The following SAMD4B variants were observed in gnomAD, a reference collection of about 807,000 sequenced individuals.
SAMD4B encodes sterile alpha motif domain containing 4B, also known as protein Smaug homolog 2.
A neutral mutation model predicts 74.5 loss-of-function variants in SAMD4B; 5 were observed. The observed-to-expected ratio is 0.07, with a 90% CI of 0.04 to 0.14. SAMD4B has a LOEUF of 0.14. Ranked by LOEUF, SAMD4B falls within the 10% of genes least tolerant of loss-of-function variation. The probability of loss-of-function intolerance (pLI) is 1.00; values close to 1 mark genes in which losing one functional copy is unlikely to be tolerated. For missense variants in SAMD4B, 608 were observed against 921.8 expected (o/e 0.66, Z 4.41); for synonymous variants, 373 against 374.9 (o/e 1.00, Z 0.06).
In SAMD4B at chr19:39,357,297, T is replaced by C. The variant is rs999258047; in HGVS notation, c.196+208T>C. 7.2e-5 allele frequency among the ~76,000 whole-genome samples: 11 copies of C among 152,226 alleles called. No homozygotes were observed. The East Asian group carries it at 7.7e-4, about 11-fold the overall frequency. ...CCTCAGGCATGGTATGGTGGACTTA[T>C]GGGAGAAGGCAATGCAAACTGGAAA... On this transcript the variant is annotated intron_variant, in intron 3 of 13. Transcript: ENST00000610417.
In SAMD4B at chr19:39,378,091, A is replaced by G. The variant is rs117428446; in HGVS notation, c.1444+267A>G. 3.1e-3 allele frequency among the ~76,000 whole-genome samples: 466 copies of G among 152,326 alleles called. 3 individuals are homozygous for G. The highest frequency in any genetic ancestry group is 0.017 in the Middle Eastern group (5 of 294). On this transcript the variant is annotated intron_variant, in intron 8 of 13. Coordinates refer to ENST00000610417, the MANE Select transcript of SAMD4B (RefSeq NM_001384574.2). The surrounding 1 kb of genome is among the most constrained non-coding windows in gnomAD (Gnocchi z 4.4). ...CAGTGGGTCAGAAGAAATTCCATGT[A>G]GTAAAGGGTGAGCAGTTGAGGGGAG...
intron 4 of SAMD4B, among the ~76,000 whole-genome samples, chr19:39,371,140 A>G (rs2077268958): frequency 6.6e-6 from 1 of 152,220 alleles, no homozygotes. Context: ...ACCCAGGGTG[A>G]GGGAGAGGGT....
intron 1 of SAMD4B, among the ~76,000 whole-genome samples, chr19:39,353,022 A>G (rs528664578): frequency 3.9e-4 from 59 of 152,326 alleles, no homozygotes; most frequent in African/African-American, 1.4e-3. Context: ...CACTTCCAGC[A>G]GCCAGGGAGC....
intron 1 of SAMD4B, chr19:39,348,488 T>C (rs1365027623): frequency 6.6e-6 from 1 of 152,136 alleles, no homozygotes; most frequent in African/African-American, 2.4e-5. Flanking sequence ...AGCCCTGCCA[T>C]ATGTTCAGGG....
intron 5 of SAMD4B, 137 bp downstream of exon 5, chr19:39,376,026 CT>C: frequency 1.7e-6 from 2 of 1,168,214 alleles, no homozygotes; most frequent in Non-Finnish European, 2.4e-6. Flanking sequence ...ATAGTCCCTG[CT>C]TTTAGGGCTC....
chr19:39,377,047 C>T (rs1018555483), intron 7 of SAMD4B, among the ~76,000 whole-genome samples: 1 of 152,228 alleles, frequency 6.6e-6, no homozygotes, highest in Non-Finnish European at 1.5e-5. Context: ...CTTCTCTCCC[C>T]TTTTGCTTTT....
intron 3 of SAMD4B, among the ~76,000 whole-genome samples, chr19:39,357,408 A>T (rs2076397600): frequency 1.3e-5 from 2 of 152,232 alleles, no homozygotes. Context: ...GGCGTATAGA[A>T]GGTGAGCAGT....
chr19:39,346,894 T>C (rs1367111005), intron 1 of SAMD4B, among the ~76,000 whole-genome samples: 1 of 152,182 alleles, frequency 6.6e-6, no homozygotes, highest in Non-Finnish European at 1.5e-5. Flanking sequence ...CTTTACTTCA[T>C]AGAATTGTTA....
At chr19:39,357,958 C>T (rs1266716734) in intron 3 of SAMD4B, among the ~76,000 whole-genome samples, 1 of 152,218 alleles carries the variant, frequency 6.6e-6, no homozygotes. Flanking sequence ...ACTGTCTTTA[C>T]TTGTATATTA....
intron 7 of SAMD4B, 47 bp downstream of exon 7, chr19:39,376,838 G>A: frequency 6.5e-7 from 1 of 1,540,758 alleles, no homozygotes; most frequent in Non-Finnish European, 9.0e-7. Context: ...GCCACTTGGT[G>A]GTACCAGTAG....
rs753220231 is a variant in SAMD4B, at chr19:39,383,979, G to A, written c.*452G>A. The A allele has an allele frequency of 4.8e-5, 23 of 480,556 alleles. No individual in the cohort carries two copies. Among genetic ancestry groups the A allele is most frequent in the Non-Finnish European group, 6.7e-5 (18 of 270,234 alleles). The allele number at this position is 480,556 out of a possible 1,614,324, so 29.8% of individuals were successfully genotyped here. A position where few individuals can be genotyped will look rare whatever the true frequency, so the allele number is the denominator to read the frequency against. ...GGGCAGAGAACCTGCCCTCCAGAAT[G>A]TTATTGAGAGGAGCTGGGGAGAAGG... is the stretch of plus-strand genomic sequence containing the variant. On this transcript the variant is annotated 3_prime_UTR_variant, in exon 14 of 14. Coordinates refer to ENST00000610417, the MANE Select transcript of SAMD4B (RefSeq NM_001384574.2). This position sits in a 1 kb window ranked among gnomAD's most constrained non-coding sequence, Gnocchi z 4.1.
chr19:39,369,573 AATAGGCC>A, intron 3 of SAMD4B, 75 bp from the exon 4 acceptor site: 1 of 1,058,784 alleles, frequency 9.4e-7, no homozygotes, highest in Non-Finnish European at 1.4e-6. Flanking sequence ...GAGCTGAGGG[AATAGGCC>A]ATAGGCAGTG....
Position 39,356,799 on chromosome 19 carries a change from CA to C in SAMD4B, c.-94del. 1 of 1,096,406 alleles carries C rather than the reference CA, an allele frequency of 9.1e-7. No individual in the cohort carries two copies. The allele number at this position is 1,096,406 out of a possible 1,614,324, so 67.9% of individuals were successfully genotyped here. A position where few individuals can be genotyped will look rare whatever the true frequency, so the allele number is the denominator to read the frequency against. ...AGAAACGTCCTTAAGCCCTGGCCCT[CA>C]GGGGAAAGGTAACAGGAGGCCAGAG... is the stretch of plus-strand genomic sequence containing the variant. On this transcript the variant is annotated 5_prime_UTR_variant, in exon 3 of 14. Coordinates refer to ENST00000610417, the MANE Select transcript of SAMD4B (RefSeq NM_001384574.2).
At chr19:39,368,182 C>T (rs534197788) in intron 3 of SAMD4B, among the ~76,000 whole-genome samples, 1 of 152,142 alleles carries the variant, frequency 6.6e-6, no homozygotes, top group Admixed American at 6.5e-5. Flanking sequence ...CCACTGCACT[C>T]CAGCCTGGGC....
intron 3 of SAMD4B, among the ~76,000 whole-genome samples, chr19:39,357,366 G>A (rs1406233751): frequency 6.6e-6 from 1 of 152,170 alleles, no homozygotes; most frequent in African/African-American, 2.4e-5. Context: ...TATGTGGGCT[G>A]CTGAAAGGAA....
rs2076433235 is a variant in SAMD4B at position 39,358,089 on chromosome 19, G to A, written c.196+1000G>A. ...AGTTCGAGACCAGCCTGGCTAACGT[G>A]GCAAAACCCCGTGTCTATTAAAAGT... On this transcript the variant is annotated intron_variant, in intron 3 of 13. Coordinates refer to ENST00000610417, the MANE Select transcript of SAMD4B (RefSeq NM_001384574.2). Among the ~76,000 whole-genome samples, 3 of 152,002 alleles carry A rather than the reference G, an allele frequency of 2.0e-5. No individual in the cohort carries two copies. In the South Asian group the frequency reaches 6.2e-4, roughly 32 times the overall value.
intron 1 of SAMD4B, chr19:39,351,477 C>T (rs1443375708): frequency 2.6e-5 from 4 of 152,142 alleles, no homozygotes; most frequent in Non-Finnish European, 5.9e-5. Context: ...GACAAAGAGA[C>T]CAGACCAGTA....
At position 39,384,024 on chromosome 19, in the gene SAMD4B, A is replaced by C; in HGVS notation, c.*497A>C. ...AGAAGGAAGGGGAGCAAGGAGAGGA[A>C]GCTCTCTCTCCTCTCCCTGCTTCCC... On this transcript the variant is annotated 3_prime_UTR_variant, in exon 14 of 14. Coordinates refer to ENST00000610417, the MANE Select transcript of SAMD4B (RefSeq NM_001384574.2). 7.5e-6 allele frequency: 3 copies of C among 402,222 alleles called. No homozygotes were observed. The highest frequency in any genetic ancestry group is 8.9e-6 in the Non-Finnish European group (2 of 224,234). The allele number at this position is 402,222 out of a possible 1,614,324, so 24.9% of individuals were successfully genotyped here. A position where few individuals can be genotyped will look rare whatever the true frequency, so the allele number is the denominator to read the frequency against.
At chr19:39,385,951 A>G, downstream of SAMD4B, 1 of 1,608,632 alleles carries the variant, frequency 6.2e-7, no homozygotes, top group Non-Finnish European at 8.5e-7. Flanking sequence ...TTTGCTGCTC[A>G]CAATAATGGT....
Sources: gnomAD v4.1 joint callset for allele counts (sites outside exome capture counted in the v4.1 genomes callset) on GRCh38, gnomAD v4.1.1 for gene constraint, Gnocchi (gnomAD v3.1) non-coding constraint, MANE v1.5 for transcripts, NCBI Gene and HGNC (gene_info 2026-07-23, HGNC 2026-07-21) for gene names.